The following OLA1 variants were observed in gnomAD, a reference collection of about 807,000 sequenced individuals.
OLA1 encodes the protein Obg like ATPase 1, also known as obg-like ATPase 1.
Under a neutral mutation model 48.4 loss-of-function variants are expected in OLA1, and 14 were observed. That is an observed-to-expected ratio of 0.29 (90% CI 0.19 to 0.45). The LOEUF is 0.45. Ranked by LOEUF, OLA1 falls within the 20% of genes least tolerant of loss-of-function variation. The probability of loss-of-function intolerance (pLI) is 1.00; values close to 1 mark genes in which losing one functional copy is unlikely to be tolerated. For synonymous variants in OLA1, 127 were observed against 150.4 expected (o/e 0.84, Z 1.14); for missense variants, 325 against 467.1 (o/e 0.70, Z 2.80).
chr2:174,134,365 G>T (rs752712420), intron 5 of OLA1, among the ~76,000 whole-genome samples: 1 of 152,102 alleles, frequency 6.6e-6, no homozygotes, highest in Non-Finnish European at 1.5e-5. Flanking sequence ...TTTGATAGAC[G>T]TACACTTTGT....
At chr2:174,163,276 G>A (rs1574519888) in intron 4 of OLA1, among the ~76,000 whole-genome samples, 1 of 152,286 alleles carries the variant, frequency 6.6e-6, no homozygotes, top group Non-Finnish European at 1.5e-5. Context: ...AGTAAGGGCA[G>A]TTAAATGGTA....
At chr2:174,173,692 GA>G (rs35762279) in intron 4 of OLA1, among the ~76,000 whole-genome samples, 1 of 150,020 alleles carries the variant, frequency 6.7e-6, no homozygotes, top group East Asian at 1.9e-4. Context: ...AATGAACAAA[GA>G]AAAAAAAATC....
intron 4 of OLA1, among the ~76,000 whole-genome samples, chr2:174,206,933 T>A (rs1688128294): frequency 6.6e-6 from 1 of 152,072 alleles, no homozygotes; most frequent in Non-Finnish European, 1.5e-5. Flanking sequence ...AGGAAAAAAC[T>A]CCATTATTTT....
chr2:174,128,547 T>C (rs541497682), intron 5 of OLA1, among the ~76,000 whole-genome samples: 4 of 151,640 alleles, frequency 2.6e-5, no homozygotes, highest in African/African-American at 9.7e-5. Context: ...TTGGCCAACA[T>C]AGCGAAACCC....
chr2:174,164,385 G>GCATAGTGCAGAA (rs1553485219), intron 4 of OLA1, among the ~76,000 whole-genome samples: 39 of 151,572 alleles, frequency 2.6e-4, no homozygotes, highest in African/African-American at 7.0e-4. Flanking sequence ...ATACCATTCT[G>GCATAGTGCAGAA]TTTTATGTTT....
intron 4 of OLA1, among the ~76,000 whole-genome samples, chr2:174,219,585 A>T (rs961675010): frequency 6.6e-6 from 1 of 151,666 alleles, no homozygotes; most frequent in Middle Eastern, 3.2e-3. Context: ...ATGCCACCAT[A>T]CCCAGCTAAT....
chr2:174,212,009 G>T (rs573375890), intron 4 of OLA1, among the ~76,000 whole-genome samples: 34 of 133,846 alleles, frequency 2.5e-4, no homozygotes, highest in Admixed American at 5.1e-4. Context: ...AAGGCAAACA[G>T]TGCTGTTTTT....
chr2:174,213,912 A>G (rs931443182), intron 4 of OLA1, among the ~76,000 whole-genome samples: 2 of 152,146 alleles, frequency 1.3e-5, no homozygotes, highest in Admixed American at 1.3e-4. Context: ...CTTAAAAATT[A>G]TTAAGTAGCA....
intron 4 of OLA1, among the ~76,000 whole-genome samples, chr2:174,202,835 T>C (rs571939871): frequency 7.9e-4 from 120 of 152,298 alleles, no homozygotes; most frequent in African/African-American, 2.8e-3. Context: ...ATATACAAAA[T>C]ATGTGTCAAT....
intron 1 of OLA1, chr2:174,247,856 C>T: frequency 6.8e-7 from 1 of 1,469,370 alleles, no homozygotes; most frequent in South Asian, 1.3e-5. Flanking sequence ...GTCTCCAAAT[C>T]ATGCGTGCAG....
At chr2:174,174,061 A>T (rs1687368983) in intron 4 of OLA1, among the ~76,000 whole-genome samples, 1 of 151,238 alleles carries the variant, frequency 6.6e-6, no homozygotes, top group Admixed American at 6.6e-5. Flanking sequence ...AACAAAAAAA[A>T]ACTCCACGCC....
intron 4 of OLA1, among the ~76,000 whole-genome samples, chr2:174,180,797 G>A (rs891529947): frequency 6.6e-6 from 1 of 152,164 alleles, no homozygotes; most frequent in Non-Finnish European, 1.5e-5. Flanking sequence ...AAAATAATCT[G>A]TTTTAAGAAG....
intron 4 of OLA1, among the ~76,000 whole-genome samples, chr2:174,206,471 C>T (rs1688117206): frequency 6.6e-6 from 1 of 152,044 alleles, no homozygotes; most frequent in Non-Finnish European, 1.5e-5. Context: ...TTTCAAGATA[C>T]CAGAGTTTCT....
intron 4 of OLA1, among the ~76,000 whole-genome samples, chr2:174,145,658 A>G (rs955091065): frequency 3.9e-5 from 6 of 152,138 alleles, no homozygotes; most frequent in Non-Finnish European, 5.9e-5. Context: ...TTTTCATTGT[A>G]TTTATTTTTA....
chr2:174,137,268 A>T (rs1686331460), intron 5 of OLA1, among the ~76,000 whole-genome samples: 1 of 152,136 alleles, frequency 6.6e-6, no homozygotes. Flanking sequence ...GTTTTTTCTG[A>T]GCAGTAGGTC....
At position 174,123,648 on chromosome 2, in the gene OLA1, C is replaced by T. The variant is rs1685975276; in HGVS notation, c.577G>A (p.Val193Ile). ...YDIMCKVKSW[V>I]IDQKKPVRFY... ...CGAACAGGTTTCTTTTGATCTATAA[C>T]CCAGGATTTTACTTTGCACATTATA... is the stretch of plus-strand genomic sequence containing the variant. The change falls in exon 6 of 11, where the codon GTT becomes ATT. Residue 193 changes from valine to isoleucine, a missense_variant. Val to Ile is a conservative substitution (Grantham distance 29). Coordinates refer to ENST00000284719, the MANE Select transcript of OLA1 (RefSeq NM_013341.5). 1.1e-5 allele frequency: 17 copies of T among 1,594,994 alleles called. No individual in the cohort carries two copies. The highest frequency in any genetic ancestry group is 1.7e-4 in the Middle Eastern group (1 of 6,020).
intron 4 of OLA1, among the ~76,000 whole-genome samples, chr2:174,202,692 C>T (rs1688017746): frequency 6.6e-6 from 1 of 152,172 alleles, no homozygotes; most frequent in African/African-American, 2.4e-5. Flanking sequence ...GCTACCATTT[C>T]AGAAGACTCA....
intron 5 of OLA1, among the ~76,000 whole-genome samples, chr2:174,135,487 G>A (rs748917093): frequency 6.6e-6 from 1 of 152,176 alleles, no homozygotes; most frequent in Non-Finnish European, 1.5e-5. Flanking sequence ...GCATAAGTGA[G>A]GCTCAAACCA....
At chr2:174,123,124 G>T in intron 7 of OLA1, 56 bp downstream of exon 7, 1 of 788,850 alleles carries the variant, frequency 1.3e-6, no homozygotes, top group Non-Finnish European at 2.2e-6. Flanking sequence ...GTGGGTGTGT[G>T]TTTGTGTGTG....
Sources: allele counts gnomAD v4.1 joint callset (sites outside exome capture counted in the v4.1 genomes callset), GRCh38; gene constraint gnomAD v4.1.1; transcripts MANE v1.5; gene names NCBI Gene and HGNC (gene_info 2026-07-23, HGNC 2026-07-21).